Variants in PDXDC1 observed in about 807,000 individuals in gnomAD.
PDXDC1 encodes the protein pyridoxal dependent decarboxylase domain containing 1.
PDXDC1 carries 42 observed loss-of-function variants against 100.1 expected under a neutral mutation model. The observed-to-expected ratio is 0.42, with a 90% CI of 0.33 to 0.54. The LOEUF (loss-of-function observed/expected upper bound fraction) is 0.54, where lower values mean the gene tolerates loss of function less well. PDXDC1 is among the 20% of genes least tolerant of loss of function. The pLI is 0.10. For synonymous variants in PDXDC1, 260 were observed against 371.7 expected, an observed-to-expected ratio of 0.70 and a Z score of 3.46; for missense variants, 636 against 979.2, an observed-to-expected ratio of 0.65 and a Z score of 4.68.
intron 19 of PDXDC1, among the ~76,000 whole-genome samples, chr16:15,033,610 G>C (rs2043203481): frequency 6.6e-6 from 1 of 152,198 alleles, no homozygotes; most frequent in African/African-American, 2.4e-5. Flanking sequence ...AAGCTCAGGG[G>C]GAAAGATCCA....
In PDXDC1 at chr16:15,129,740, C is replaced by T. The variant is rs1240860584; in HGVS notation, c.1400-9139C>T. 1.2e-4 allele frequency: 75 copies of T among 616,706 alleles called. 1 individual carries two copies. The East Asian group carries it at 2.1e-3, about 17-fold the overall frequency. The allele number at this position is 616,706 out of a possible 1,614,324, so 38.2% of individuals were successfully genotyped here. On this transcript the variant is annotated intron_variant, in intron 16 of 16. Coordinates refer to the PDXDC1 transcript ENST00000535621. ...CAGTGAGTGCTCACGAGGTCATTCCCAGGATGAACACACGAGCCCTTCACA... is the reference window on the plus strand; with the variant it reads ...CAGTGAGTGCTCACGAGGTCATTCCTAGGATGAACACACGAGCCCTTCACA...
In PDXDC1 at chr16:15,087,178, A is replaced by C. The variant is rs2045942925; in HGVS notation, c.1400-51701A>C. Among the ~76,000 whole-genome samples, 3 of 152,198 alleles carry C rather than the reference A, an allele frequency of 2.0e-5. No individual in the cohort carries two copies. In the South Asian group the frequency reaches 6.2e-4, roughly 31 times the overall value. On this transcript the variant is annotated intron_variant, in intron 16 of 16. Transcript: ENST00000535621. Reference sequence around the variant, plus strand: ...TAAGAAAAAGCCCCTAATTTGTGGAAGGCTTAGACATATAAATAAAAGCAA... The same window carrying C: ...TAAGAAAAAGCCCCTAATTTGTGGACGGCTTAGACATATAAATAAAAGCAA...
Position 14,981,025 on chromosome 16 carries a change from C to CT in PDXDC1, c.21+5813dup, listed in dbSNP as rs1265319250. ...GGTTGCGTTCTGGTAAGGGAGTATA[C>CT]TTTTTTTTGGACAAATCCTTGTATA... On this transcript the variant is annotated intron_variant, in intron 1 of 22. Coordinates refer to ENST00000396410, the MANE Select transcript of PDXDC1 (RefSeq NM_015027.4). Among the ~76,000 whole-genome samples, 4 of 152,248 alleles carry CT rather than the reference C, an allele frequency of 2.6e-5. No individual in the cohort carries two copies. The South Asian group carries it at 6.2e-4, about 24-fold the overall frequency.
At chr16:15,072,736 C>A (rs1428750690) in intron 16 of PDXDC1, among the ~76,000 whole-genome samples, 1 of 151,928 alleles carries the variant, frequency 6.6e-6, no homozygotes, top group East Asian at 1.9e-4. Context: ...GTGGAGGTTG[C>A]AGCAGTGGGC....
chr16:15,020,126 A>C (rs2042077244), intron 12 of PDXDC1, among the ~76,000 whole-genome samples: 1 of 151,872 alleles, frequency 6.6e-6, no homozygotes, highest in African/African-American at 2.4e-5. Context: ...AAAAAAAAAA[A>C]AAAAAAAAAA....
At chr16:15,073,071 T>A (rs1163766071) in intron 16 of PDXDC1, 1 of 1,610,696 alleles carries the variant, frequency 6.2e-7, no homozygotes, top group East Asian at 2.2e-5. Context: ...TTTGCCGTTA[T>A]CAACCTTACC....
chr16:15,100,732 T>C (rs1461523716), intron 16 of PDXDC1, among the ~76,000 whole-genome samples: 1 of 152,118 alleles, frequency 6.6e-6, no homozygotes, highest in African/African-American at 2.4e-5. Context: ...TGGTCCCAGC[T>C]ATATGGGAGG....
chr16:15,050,177 T>TA (rs917879938), intron 16 of PDXDC1, among the ~76,000 whole-genome samples: 2 of 152,122 alleles, frequency 1.3e-5, no homozygotes, highest in Non-Finnish European at 1.5e-5. Context: ...AGTAAGCTTG[T>TA]AAAAAAAATT....
intron 16 of PDXDC1, chr16:15,092,407 G>T: frequency 5.5e-6 from 4 of 731,328 alleles, no homozygotes. Flanking sequence ...ATTTCAACTG[G>T]TATCTTAATT....
intron 16 of PDXDC1, chr16:15,125,542 G>T: frequency 6.3e-7 from 1 of 1,588,896 alleles, no homozygotes; most frequent in Non-Finnish European, 8.6e-7. Context: ...TTTCTCTAGG[G>T]GAACCCACCT....
intron 3 of PDXDC1, among the ~76,000 whole-genome samples, chr16:15,000,732 G>T (rs1323488797): frequency 6.6e-6 from 1 of 152,206 alleles, no homozygotes; most frequent in Non-Finnish European, 1.5e-5. Flanking sequence ...CAGATCTCAA[G>T]GTTCCCAGCT....
chr16:15,053,596 G>A (rs578012482), intron 16 of PDXDC1, among the ~76,000 whole-genome samples: 1 of 152,140 alleles, frequency 6.6e-6, no homozygotes, highest in African/African-American at 2.4e-5. Flanking sequence ...CCTACAAAGA[G>A]GACACCCTGT....
At chr16:15,072,165 A>G (rs541400170) in intron 16 of PDXDC1, among the ~76,000 whole-genome samples, 13 of 151,842 alleles carry the variant, frequency 8.6e-5, no homozygotes, top group African/African-American at 2.9e-4. Context: ...CTTCTTTCCC[A>G]TGACCAACAC....
In PDXDC1 at chr16:15,049,567, T is replaced by C. The variant is rs568748804; in HGVS notation, c.1399+19511T>C. Among the ~76,000 whole-genome samples the C allele has an allele frequency of 5.9e-5, 9 of 152,278 alleles. No individual in the cohort carries two copies. In the South Asian group the frequency reaches 1.2e-3, roughly 21 times the overall value. On this transcript the variant is annotated intron_variant, in intron 16 of 16. Coordinates refer to the PDXDC1 transcript ENST00000535621. ...CCTCAGCCTCCCCAGTAGCTGGGAT[T>C]ACAGGTGTGCGCCACCATGCCCAGC... is the stretch of plus-strand genomic sequence containing the variant.
At chr16:15,059,102 C>T (rs2044624789) in intron 16 of PDXDC1, among the ~76,000 whole-genome samples, 3 of 152,174 alleles carry the variant, frequency 2.0e-5, no homozygotes, top group Non-Finnish European at 4.4e-5. Context: ...CAGCCTGCAC[C>T]TTCGAATCAC....
intron 16 of PDXDC1, among the ~76,000 whole-genome samples, chr16:15,111,777 A>C (rs2151874414): frequency 6.7e-6 from 1 of 148,310 alleles, no homozygotes; most frequent in East Asian, 1.9e-4. Flanking sequence ...AAAAAAAAAA[A>C]AATGACATGA....
rs781753054 is a variant in PDXDC1, at chr16:15,065,376, G to A, written c.1399+35320G>A. On this transcript the variant is annotated intron_variant, in intron 16 of 16. Coordinates refer to the PDXDC1 transcript ENST00000535621. ...CAGAAGACGAGCTGGTACTTACTGT[G>A]GAACAAAAAAACAACACAGACAGAG... is the stretch of plus-strand genomic sequence containing the variant. 8 of 1,610,430 alleles carry A rather than the reference G, an allele frequency of 5.0e-6. No individual in the cohort carries two copies. In the South Asian group the frequency reaches 7.7e-5, roughly 16 times the overall value.
At chr16:15,029,217 G>A in intron 15 of PDXDC1, 1 of 613,534 alleles carries the variant, frequency 1.6e-6, no homozygotes. Flanking sequence ...TGAGACAACA[G>A]GCAAAAGGTG....
At chr16:14,982,628 C>T (rs893452404) in intron 1 of PDXDC1, among the ~76,000 whole-genome samples, 1 of 152,262 alleles carries the variant, frequency 6.6e-6, no homozygotes, top group African/African-American at 2.4e-5. Flanking sequence ...GGCAAAAATA[C>T]TTACAAATGT....
Sources: allele counts gnomAD v4.1 joint callset (sites outside exome capture counted in the v4.1 genomes callset), GRCh38; gene constraint gnomAD v4.1.1; transcripts MANE v1.5; gene names NCBI Gene and HGNC (gene_info 2026-07-23, HGNC 2026-07-21).